PLCE1: variants seen among roughly 807,000 people sequenced by gnomAD.
The protein encoded by PLCE1 is 1-phosphatidylinositol 4,5-bisphosphate phosphodiesterase epsilon-1.
In PLCE1, 119 loss-of-function variants were observed where a neutral mutation model predicts 242.8. That is an observed-to-expected ratio of 0.49 (90% CI 0.42 to 0.57). The LOEUF is 0.57. Ranked by LOEUF, PLCE1 falls within the 20% of genes least tolerant of loss-of-function variation. PLCE1 has a pLI of 0.00. For missense variants in PLCE1, 2,441 were observed against 2,788.8 expected, an observed-to-expected ratio of 0.88 and a Z score of 2.81; for synonymous variants, 945 against 1,017.4, an observed-to-expected ratio of 0.93 and a Z score of 1.35.
chr10:94,256,593 A>T (rs1169666652), intron 11 of PLCE1, among the ~76,000 whole-genome samples: 3 of 152,220 alleles, frequency 2.0e-5, no homozygotes, highest in Admixed American at 6.5e-5. Context: ...AATCCTGTTT[A>T]TTATACTTTC....
intron 3 of PLCE1, among the ~76,000 whole-genome samples, chr10:94,135,608 T>C (rs1217368010): frequency 6.6e-6 from 1 of 152,212 alleles, no homozygotes; most frequent in Non-Finnish European, 1.5e-5. Context: ...AATGTTGTGA[T>C]TTGGTTCACA....
At chr10:94,327,510 A>G (rs535890255) in intron 32 of PLCE1, among the ~76,000 whole-genome samples, 1 of 152,308 alleles carries the variant, frequency 6.6e-6, no homozygotes, top group East Asian at 1.9e-4. Context: ...TGGAGGCAGC[A>G]GTCCAGCCAG....
chr10:94,236,929 T>A (rs1474082437), intron 7 of PLCE1, among the ~76,000 whole-genome samples: 1 of 152,034 alleles, frequency 6.6e-6, no homozygotes, highest in Non-Finnish European at 1.5e-5. Flanking sequence ...CTTTTAAGAA[T>A]AACTATGAAT....
chr10:94,029,333 C>T (rs1356137903), intron 1 of PLCE1, among the ~76,000 whole-genome samples: 2 of 152,030 alleles, frequency 1.3e-5, no homozygotes, highest in Non-Finnish European at 2.9e-5. Context: ...CTAAAATTAT[C>T]TATATAATCT....
chr10:94,250,425 C>T (rs867930737), intron 8 of PLCE1, among the ~76,000 whole-genome samples: 5 of 150,028 alleles, frequency 3.3e-5, no homozygotes, highest in South Asian at 4.2e-4. Flanking sequence ...CAGTTGAAAC[C>T]GGGAGGCGGA....
chr10:94,269,094 C>CTTTTTTTTTTTTTTT (rs71031565), intron 17 of PLCE1, 58 bp downstream of exon 17: 3 of 313,310 alleles, frequency 9.6e-6, no homozygotes, highest in African/African-American at 7.9e-5. Context: ...CTTCATTTGT[C>CTTTTTTTTTTTTTTT]TTTTTTTTTT....
chr10:94,057,526 AT>A (rs2043940637), intron 2 of PLCE1, among the ~76,000 whole-genome samples: 1 of 152,206 alleles, frequency 6.6e-6, no homozygotes, highest in Non-Finnish European at 1.5e-5. Flanking sequence ...AGGTAGAGTT[AT>A]GGGGCCAAAG....
rs75877726 is a variant in PLCE1 at position 94,313,878 on chromosome 10, A to G, written c.6132+496A>G. Among the ~76,000 whole-genome samples the G allele has an allele frequency of 4.5e-3, 685 of 152,230 alleles. 7 individuals carry two copies. The highest frequency in any genetic ancestry group is 0.016 in the African/African-American group (657 of 41,548). On this transcript the variant is annotated intron_variant, in intron 28 of 32. Coordinates refer to ENST00000371380, the MANE Select transcript of PLCE1 (RefSeq NM_016341.4). ...CCAAGGAGACATTTTCTGCCCCTCC[A>G]GCCTAAGGCCTTCCTTTGCATGTTG...
intron 2 of PLCE1, among the ~76,000 whole-genome samples, chr10:94,043,579 G>C (rs920177151): frequency 5.3e-5 from 8 of 152,120 alleles, no homozygotes; most frequent in Non-Finnish European, 1.2e-4. Flanking sequence ...AAGCCCCATA[G>C]CTTCATTTTT....
intron 2 of PLCE1, among the ~76,000 whole-genome samples, chr10:94,059,554 T>G (rs2043992443): frequency 6.6e-6 from 1 of 152,146 alleles, no homozygotes; most frequent in Admixed American, 6.5e-5. Context: ...CCTCTAAATT[T>G]TACTACATGT....
chr10:94,240,115 C>CT (rs2050454796), intron 7 of PLCE1, among the ~76,000 whole-genome samples: 1 of 152,144 alleles, frequency 6.6e-6, no homozygotes, highest in Admixed American at 6.5e-5. Context: ...TCACCTTAGG[C>CT]TTTTTTCTCA....
At chr10:94,113,066 A>T (rs2046004254) in intron 2 of PLCE1, among the ~76,000 whole-genome samples, 1 of 152,146 alleles carries the variant, frequency 6.6e-6, no homozygotes, top group Non-Finnish European at 1.5e-5. Context: ...ATCTGTAGCG[A>T]TGGAAGGTAG....
chr10:94,109,307 A>G (rs1178141646), intron 2 of PLCE1: 1 of 152,224 alleles, frequency 6.6e-6, no homozygotes, highest in Non-Finnish European at 1.5e-5. Context: ...ATCTCAATAA[A>G]TAGCTGTTAA....
chr10:94,028,918 G>A (rs1193416377), intron 1 of PLCE1, among the ~76,000 whole-genome samples: 1 of 152,006 alleles, frequency 6.6e-6, no homozygotes, highest in Non-Finnish European at 1.5e-5. Flanking sequence ...CCTTTCAAAA[G>A]GTGGACCCTA....
intron 4 of PLCE1, among the ~76,000 whole-genome samples, chr10:94,181,969 A>G (rs1321732472): frequency 6.6e-6 from 1 of 152,230 alleles, no homozygotes; most frequent in Non-Finnish European, 1.5e-5. Flanking sequence ...GATAACGCTG[A>G]TGCTACCAAC....
intron 3 of PLCE1, chr10:94,138,182 A>G: frequency 2.7e-6 from 1 of 372,254 alleles, no homozygotes; most frequent in Non-Finnish European, 5.2e-6. Flanking sequence ...GCTTCTGCTA[A>G]GTCAATGATA....
chr10:94,153,893 A>G (rs1252750980), intron 3 of PLCE1, among the ~76,000 whole-genome samples: 1 of 152,248 alleles, frequency 6.6e-6, no homozygotes, highest in Non-Finnish European at 1.5e-5. Flanking sequence ...ACGAATGGAA[A>G]GACATCCTGT....
chr10:94,293,822 T>C (rs1043603702), intron 23 of PLCE1, among the ~76,000 whole-genome samples, 183 bp downstream of exon 23: 2 of 152,166 alleles, frequency 1.3e-5, no homozygotes, highest in Admixed American at 1.3e-4. Context: ...AAACAGCATT[T>C]CAGGCTGGGC....
intron 1 of PLCE1, among the ~76,000 whole-genome samples, chr10:94,004,758 A>G (rs1317022645): frequency 1.3e-5 from 2 of 152,118 alleles, no homozygotes; most frequent in African/African-American, 4.8e-5. Flanking sequence ...CCCCTGTGTC[A>G]GGCATTATGC....
Sources: gnomAD v4.1 joint callset for allele counts (sites outside exome capture counted in the v4.1 genomes callset) on GRCh38, gnomAD v4.1.1 for gene constraint, MANE v1.5 for transcripts, NCBI Gene and HGNC (gene_info 2026-07-23, HGNC 2026-07-21) for gene names.